The following DYNC1I2 variants were observed in gnomAD, a reference collection of about 807,000 sequenced individuals.
DYNC1I2 encodes the protein dynein cytoplasmic 1 intermediate chain 2, also known as cytoplasmic dynein 1 intermediate chain 2.
Under a neutral mutation model 88.6 loss-of-function variants are expected in DYNC1I2, and 53 were observed. The ratio of observed to expected loss-of-function variants is 0.60; its 90% CI spans 0.48 to 0.75. The LOEUF (loss-of-function observed/expected upper bound fraction) is 0.75. DYNC1I2 is among the 30% of genes least tolerant of loss of function. The probability of loss-of-function intolerance (pLI) is 0.00; values close to 1 mark genes in which losing one functional copy is unlikely to be tolerated. For missense variants in DYNC1I2, 458 were observed against 766.6 expected (o/e 0.60, Z 4.75); for synonymous variants, 198 against 254.6 (o/e 0.78, Z 2.12).
At position 171,712,927 on chromosome 2, in the gene DYNC1I2, G is replaced by A. The variant is rs150898709; in HGVS notation, c.395+101G>A. 850 of 984,856 alleles carry A rather than the reference G, an allele frequency of 8.6e-4. 7 individuals are homozygous for A. The African/African-American group carries it at 0.012, about 14-fold the overall frequency. 61.0% of individuals were successfully genotyped at this position (984,856 alleles called of 1,614,324 possible). ...GCTTAAGTTTATAATATTGTATCAC[G>A]TAGTAAGGACAAGAGTTATATTTTA... On this transcript the variant is annotated intron_variant, in intron 6 of 17. Transcript: ENST00000397119.
chr2:171,687,660 C>T (rs1298858016), intron 1 of DYNC1I2, 33 bp downstream of exon 1: 2 of 152,326 alleles, frequency 1.3e-5, no homozygotes, highest in African/African-American at 4.8e-5. Flanking sequence ...TTCCTCGCAG[C>T]AGGGCCCCAC....
intron 5 of DYNC1I2, 120 bp from the exon 6 acceptor site, chr2:171,712,647 A>C: frequency 1.4e-6 from 1 of 719,228 alleles, no homozygotes; most frequent in Non-Finnish European, 2.3e-6. Flanking sequence ...AATACTAACC[A>C]GAACATGTGT....
At chr2:171,703,425 G>A (rs1408632015) in intron 3 of DYNC1I2, among the ~76,000 whole-genome samples, 2 of 152,014 alleles carry the variant, frequency 1.3e-5, no homozygotes, top group Admixed American at 6.5e-5. Flanking sequence ...ACAGAGTCTT[G>A]TTATGCTGGC....
intron 15 of DYNC1I2, among the ~76,000 whole-genome samples, chr2:171,739,576 A>G (rs1249790530): frequency 1.3e-5 from 2 of 151,914 alleles, no homozygotes; most frequent in Non-Finnish European, 1.5e-5. Context: ...ATGCCCCAAA[A>G]TGAACATTGG....
At chr2:171,728,224 C>A in intron 12 of DYNC1I2, 81 bp from the exon 13 acceptor site, 2 of 850,652 alleles carry the variant, frequency 2.4e-6, no homozygotes, top group Non-Finnish European at 3.5e-6. Flanking sequence ...CGATAATAAA[C>A]AGAATGCTTA....
intron 15 of DYNC1I2, among the ~76,000 whole-genome samples, chr2:171,737,410 T>TA (rs1445347136): frequency 6.6e-6 from 1 of 152,116 alleles, no homozygotes; most frequent in Non-Finnish European, 1.5e-5. Context: ...CGTACAACCT[T>TA]AAAGAGCTTA....
chr2:171,715,356 A>G lies in DYNC1I2; in HGVS notation c.424A>G (p.Lys142Glu), dbSNP rs1487735645. 6.4e-7 allele frequency: 1 copy of G among 1,563,958 alleles called. No homozygotes were observed. Among genetic ancestry groups the G allele is most frequent in the Admixed American group, 1.9e-5 (1 of 52,674 alleles). Residue 142 changes from lysine (K) to glutamate (E), a missense_variant, in exon 7 of 18, where the codon AAA becomes GAA. Physicochemically the swap from Lys to Glu is moderately conservative, Grantham distance 56. Coordinates refer to ENST00000397119, the MANE Select transcript of DYNC1I2 (RefSeq NM_001378.3). ...AGGACCTATTAAACTTGGAATGGCTAAAATCACGCAAGTCGACTTTCCTCC... is the reference window on the plus strand; with the variant it reads ...AGGACCTATTAAACTTGGAATGGCTGAAATCACGCAAGTCGACTTTCCTCC... Reference protein sequence around the residue: ...GRGPIKLGMAKITQVDFPPRE... With the variant: ...GRGPIKLGMAEITQVDFPPRE...
intron 7 of DYNC1I2, among the ~76,000 whole-genome samples, chr2:171,719,585 A>G (rs1366863817): frequency 3.9e-5 from 6 of 152,238 alleles, no homozygotes; most frequent in Non-Finnish European, 8.8e-5. Context: ...TTCTGTAGGC[A>G]GTAAAATCCA....
At position 171,710,115 on chromosome 2, in the gene DYNC1I2, GTATA is replaced by G. The variant is rs745850270; in HGVS notation, c.336-2647_336-2644del. On this transcript the variant is annotated intron_variant, in intron 5 of 17. Coordinates refer to ENST00000397119, the MANE Select transcript of DYNC1I2 (RefSeq NM_001378.3). ...GAGGGCTGAGTATATTCATTTTTAT[GTATA>G]TATACACACACACACACACACACAC... is the stretch of plus-strand genomic sequence containing the variant. Among the ~76,000 whole-genome samples the G allele has an allele frequency of 9.3e-3, 946 of 101,526 alleles. 6 individuals are homozygous for G. The highest frequency in any genetic ancestry group is 0.012 in the Non-Finnish European group (612 of 50,648). The allele number at this position is 101,526 out of a possible 152,430, so 66.6% of individuals were successfully genotyped here. A position where few individuals can be genotyped will look rare whatever the true frequency, so the allele number is the denominator to read the frequency against.
In DYNC1I2 at chr2:171,745,848, G is replaced by A. The variant is rs776758858; in HGVS notation, c.1724G>A (p.Arg575His). The change falls in exon 17 of 18, where the codon CGT (arginine) becomes CAT (histidine). Residue 575 changes from arginine (R) to histidine (H), a missense_variant. Arg to His is a conservative substitution (Grantham distance 29, BLOSUM62 0). This residue lies in a region of DYNC1I2 where 188 missense variants were observed against 300.4 expected (regional missense o/e 0.63). Transcript: ENST00000397119. ...GTGGAGGGTAATCCTGCTCTTAATC[G>A]TGTGAGATGGACCCATTCTGGCAGA... Reference protein sequence around the residue: ...ISVEGNPALNRVRWTHSGREI... With the variant: ...ISVEGNPALNHVRWTHSGREI... 19 of 1,613,408 alleles carry A rather than the reference G, an allele frequency of 1.2e-5. No individual in the cohort carries two copies. Among genetic ancestry groups the A allele is most frequent in the African/African-American group, 2.7e-5 (2 of 74,880 alleles).
chr2:171,719,910 T>C (rs1687791171), intron 7 of DYNC1I2, among the ~76,000 whole-genome samples: 1 of 152,210 alleles, frequency 6.6e-6, no homozygotes, highest in Non-Finnish European at 1.5e-5. Flanking sequence ...AAAGCTTCTC[T>C]TGGCAAGAAT....
In DYNC1I2 at chr2:171,745,946, G is replaced by A. The variant is rs113046327; in HGVS notation, c.1803+19G>A. On this transcript the variant is annotated intron_variant, in intron 17 of 17. Transcript: ENST00000397119. ...GGGAGAGGTATGGGACTCCCTGCCTGTAATTTTGACACATCGATTTAGTTG... is the reference window on the plus strand; with the variant it reads ...GGGAGAGGTATGGGACTCCCTGCCTATAATTTTGACACATCGATTTAGTTG... 4.2e-3 allele frequency: 6,750 copies of A among 1,612,462 alleles called. 129 individuals carry two copies. In the African/African-American group the frequency reaches 0.055, roughly 13 times the overall value.
At chr2:171,738,177 C>G (rs1323356208) in intron 15 of DYNC1I2, among the ~76,000 whole-genome samples, 1 of 151,772 alleles carries the variant, frequency 6.6e-6, no homozygotes, top group Non-Finnish European at 1.5e-5. Flanking sequence ...ACTAAAAATA[C>G]AAAAATTAGC....
intron 7 of DYNC1I2, among the ~76,000 whole-genome samples, chr2:171,725,413 C>A (rs1688169450): frequency 1.3e-5 from 2 of 152,058 alleles, no homozygotes; most frequent in African/African-American, 4.8e-5. Context: ...CCAAGAGGTT[C>A]CACTTAACTA....
chr2:171,744,359 C>T (rs959999971), intron 16 of DYNC1I2, among the ~76,000 whole-genome samples, 170 bp downstream of exon 16: 10 of 152,122 alleles, frequency 6.6e-5, no homozygotes, highest in Admixed American at 2.6e-4. Flanking sequence ...CAGCATGCTG[C>T]GAAGAACTAA....
At chr2:171,715,255 T>G in intron 6 of DYNC1I2, 73 bp from the exon 7 acceptor site, 1 of 956,696 alleles carries the variant, frequency 1.0e-6, no homozygotes, top group Admixed American at 2.2e-5. Flanking sequence ...AAATGACTGT[T>G]TAATTCTTAA....
intron 4 of DYNC1I2, 94 bp downstream of exon 4, chr2:171,706,658 T>A: frequency 2.5e-6 from 3 of 1,205,944 alleles, no homozygotes; most frequent in Non-Finnish European, 3.6e-6. Context: ...TTATTGCCTG[T>A]TTGCATTTTT....
Position 171,707,495 on chromosome 2 carries a change from C to G in DYNC1I2, c.335+118C>G, listed in dbSNP as rs1383100296. On this transcript the variant is annotated intron_variant, in intron 5 of 17. Coordinates refer to ENST00000397119, the MANE Select transcript of DYNC1I2 (RefSeq NM_001378.3). Reference sequence around the variant, plus strand: ...CGAGTTAGTCCTAACATTTTAAAATCTAAAATGGCATAGAAATTCTCTGTT... The same window carrying G: ...CGAGTTAGTCCTAACATTTTAAAATGTAAAATGGCATAGAAATTCTCTGTT... 1.1e-5 allele frequency: 9 copies of G among 807,692 alleles called. No homozygotes were observed. The Middle Eastern group carries it at 7.3e-4, about 66-fold the overall frequency. The allele number at this position is 807,692 out of a possible 1,614,324, so 50.0% of individuals were successfully genotyped here. A position where few individuals can be genotyped will look rare whatever the true frequency, so the allele number is the denominator to read the frequency against.
chr2:171,725,396 A>G (rs933040059), intron 7 of DYNC1I2, among the ~76,000 whole-genome samples: 2 of 152,156 alleles, frequency 1.3e-5, no homozygotes, highest in Non-Finnish European at 2.9e-5. Flanking sequence ...ATAGGTATGT[A>G]TAAAAACCAA....
Sources: gnomAD v4.1 joint callset for allele counts (sites outside exome capture counted in the v4.1 genomes callset) on GRCh38, gnomAD v4.1.1 for gene constraint, gnomAD v4.1.1 regional missense constraint, MANE v1.5 for transcripts, NCBI Gene and HGNC (gene_info 2026-07-23, HGNC 2026-07-21) for gene names.